RNF214: variants seen among roughly 807,000 people sequenced by gnomAD.
RNF214 encodes the protein ring finger protein 214.
A neutral mutation model predicts 75.9 loss-of-function variants in RNF214; 25 were observed. The observed-to-expected ratio is 0.33, with a 90% confidence interval of 0.24 to 0.46. RNF214 has a LOEUF of 0.46. RNF214 is among the 20% of genes least tolerant of loss of function. The pLI is 1.00. For synonymous variants in RNF214, 314 were observed against 308.8 expected (o/e 1.02, Z -0.18); for missense variants, 725 against 857.5 (o/e 0.85, Z 1.93).
At chr11:117,275,261 A>G (rs2033993864) in intron 6 of RNF214, among the ~76,000 whole-genome samples, 1 of 152,178 alleles carries the variant, frequency 6.6e-6, no homozygotes, top group African/African-American at 2.4e-5. Flanking sequence ...CAAAAGCAAT[A>G]CTAAGAGGGA....
chr11:117,285,011 A>G, intron 14 of RNF214, 75 bp from the exon 15 acceptor site: 2 of 1,064,558 alleles, frequency 1.9e-6, no homozygotes, highest in South Asian at 1.3e-5. Context: ...GCCTTGTTGA[A>G]CCTTATTGGC....
chr11:117,233,592 A>T (rs1249049759), intron 1 of RNF214, among the ~76,000 whole-genome samples: 1 of 152,228 alleles, frequency 6.6e-6, no homozygotes, highest in Non-Finnish European at 1.5e-5. Context: ...CGTCCGTCCC[A>T]GTTCCCTTAC....
chr11:117,271,331 T>A (rs1296608152), intron 6 of RNF214, among the ~76,000 whole-genome samples: 1 of 152,224 alleles, frequency 6.6e-6, no homozygotes, highest in Non-Finnish European at 1.5e-5. Context: ...TGAACCCGTT[T>A]TTGTCTCTTA....
chr11:117,244,644 A>G, intron 5 of RNF214, 59 bp downstream of exon 5: 2 of 1,318,900 alleles, frequency 1.5e-6, no homozygotes, highest in Non-Finnish European at 2.1e-6. Flanking sequence ...ATCAAACTTT[A>G]ATTTTTTAAA....
intron 6 of RNF214, among the ~76,000 whole-genome samples, chr11:117,259,486 A>G (rs931195474): frequency 6.6e-6 from 1 of 152,240 alleles, no homozygotes; most frequent in Non-Finnish European, 1.5e-5. Context: ...TTTATAAGAA[A>G]TGGCCAGATA....
chr11:117,267,279 C>T (rs2033816445), intron 6 of RNF214, among the ~76,000 whole-genome samples: 1 of 152,082 alleles, frequency 6.6e-6, no homozygotes, highest in African/African-American at 2.4e-5. Context: ...TGTTGTGGTT[C>T]ATGTATTTTG....
chr11:117,278,373 C>T (rs1327666145), intron 6 of RNF214, among the ~76,000 whole-genome samples: 2 of 152,116 alleles, frequency 1.3e-5, no homozygotes, highest in African/African-American at 2.4e-5. Context: ...TCTAAAATGT[C>T]GGGGAGATAA....
At chr11:117,274,048 A>G (rs1052323173) in intron 6 of RNF214, among the ~76,000 whole-genome samples, 3 of 152,206 alleles carry the variant, frequency 2.0e-5, no homozygotes, top group Admixed American at 6.6e-5. Flanking sequence ...ACACTGGTGA[A>G]GTAGCTAGTC....
chr11:117,272,933 T>G (rs1038006416), intron 6 of RNF214, among the ~76,000 whole-genome samples: 7 of 152,154 alleles, frequency 4.6e-5, no homozygotes, highest in Non-Finnish European at 7.3e-5. Context: ...TCTATCAGTA[T>G]ATACTGAACC....
At chr11:117,259,204 G>T (rs749718965) in intron 6 of RNF214, among the ~76,000 whole-genome samples, 3 of 152,156 alleles carry the variant, frequency 2.0e-5, no homozygotes, top group Non-Finnish European at 2.9e-5. Flanking sequence ...TGAGCTGCCT[G>T]CCTCGGCCTC....
chr11:117,284,067 T>C (rs2034189839), intron 14 of RNF214, among the ~76,000 whole-genome samples: 1 of 152,232 alleles, frequency 6.6e-6, no homozygotes, highest in South Asian at 2.1e-4. Context: ...TTCAGGGGAC[T>C]GGATAAGCAA....
At position 117,244,426 on chromosome 11, in the gene RNF214, C is replaced by G. The variant is rs773423864; in HGVS notation, c.679-19C>G. 2 of 1,601,448 alleles carry G rather than the reference C, an allele frequency of 1.2e-6. No individual in the cohort carries two copies. The highest frequency in any genetic ancestry group is 4.5e-5 in the East Asian group (2 of 44,632). Reference sequence around the variant, plus strand: ...TGATTAAATTAGGAAATAAGCTTTTCTTGTCTTGTTCATAATAGGATAAAA... The same window carrying G: ...TGATTAAATTAGGAAATAAGCTTTTGTTGTCTTGTTCATAATAGGATAAAA... On this transcript the variant is annotated intron_variant, in intron 4 of 14. Coordinates refer to ENST00000300650, the MANE Select transcript of RNF214 (RefSeq NM_207343.4).
At chr11:117,261,035 C>A (rs1187990112) in intron 6 of RNF214, among the ~76,000 whole-genome samples, 2 of 151,750 alleles carry the variant, frequency 1.3e-5, no homozygotes, top group Non-Finnish European at 2.9e-5. Flanking sequence ...CCTTTTATTT[C>A]TTATAAATAT....
chr11:117,258,543 T>G (rs1010627560), intron 6 of RNF214, among the ~76,000 whole-genome samples: 3 of 152,224 alleles, frequency 2.0e-5, no homozygotes, highest in Non-Finnish European at 4.4e-5. Context: ...TATTATTTAT[T>G]TGCATTTTTG....
At chr11:117,237,443 C>T (rs555869439) in intron 2 of RNF214, among the ~76,000 whole-genome samples, 1 of 152,276 alleles carries the variant, frequency 6.6e-6, no homozygotes, top group Non-Finnish European at 1.5e-5. Context: ...GACGCATCAA[C>T]TTGAATCCCC....
intron 6 of RNF214, among the ~76,000 whole-genome samples, chr11:117,276,885 C>G (rs2034025438): frequency 6.6e-6 from 1 of 152,170 alleles, no homozygotes; most frequent in South Asian, 2.1e-4. Flanking sequence ...TTACAATTAT[C>G]CGATTGTCAG....
In RNF214 at chr11:117,281,339, G is replaced by A; in HGVS notation, c.1171G>A (p.Val391Ile). ...GTCAACTCCCCCAACACTGGAGACA[G>A]TTCGTTCCAAACAGGAGTGGGAGAC... ...LKSTPPTLET[V>I]RSKQEWETRL... The change falls in exon 9 of 15, where the codon GTT becomes ATT. Residue 391 changes from valine to isoleucine, a missense_variant. Val to Ile is a conservative substitution (Grantham distance 29). Around this residue, in one of 2 missense-constraint regions of RNF214, gnomAD observed 363 missense variants for 513.0 expected, o/e 0.71. Transcript: ENST00000300650. The A allele has an allele frequency of 6.2e-7, 1 of 1,613,494 alleles. No homozygotes were observed. The highest frequency in any genetic ancestry group is 2.2e-5 in the East Asian group (1 of 44,820).
chr11:117,232,882 C>G (rs542547067), intron 1 of RNF214, 156 bp downstream of exon 1: 2 of 122,204 alleles, frequency 1.6e-5, no homozygotes, highest in South Asian at 2.7e-4. Flanking sequence ...GGGTCCCGGC[C>G]TAGAAGTGGG....
intron 6 of RNF214, among the ~76,000 whole-genome samples, chr11:117,269,163 G>A (rs2033856843): frequency 6.6e-6 from 1 of 152,072 alleles, no homozygotes; most frequent in Non-Finnish European, 1.5e-5. Context: ...CCAGCAGCTG[G>A]GAGTCTGAGG....
Sources: allele counts gnomAD v4.1 joint callset (sites outside exome capture counted in the v4.1 genomes callset), GRCh38; gene constraint gnomAD v4.1.1; regional missense constraint gnomAD v4.1.1; transcripts MANE v1.5; gene names NCBI Gene and HGNC (gene_info 2026-07-23, HGNC 2026-07-21).